NCAM2: variants seen among roughly 807,000 people sequenced by gnomAD.
The protein encoded by NCAM2 is N-CAM-2.
Under a neutral mutation model 98.1 loss-of-function variants are expected in NCAM2, and 30 were observed. The observed-to-expected ratio is 0.31, with a 90% CI of 0.23 to 0.41. The LOEUF (loss-of-function observed/expected upper bound fraction) is 0.41. Among genes scored for constraint, NCAM2 ranks in the 10% least tolerant of loss-of-function variants. NCAM2 has a pLI of 1.00. For synonymous variants in NCAM2, 368 were observed against 342.4 expected, an observed-to-expected ratio of 1.07 and a Z score of -0.83; for missense variants, 867 against 1,005.8, an observed-to-expected ratio of 0.86 and a Z score of 1.87.
rs115636039 is a variant in NCAM2, at chr21:21,411,620, G to T, written c.1383+1159G>T. On this transcript the variant is annotated intron_variant, in intron 10 of 17. Coordinates refer to ENST00000400546, the MANE Select transcript of NCAM2 (RefSeq NM_004540.5). The stretch of plus-strand genomic sequence containing the variant: ...ATCACCCTTTCCAAATTATGATGCG[G>T]TTAGGAAAATTGGGAATCTTTTTCA... 3.6e-3 allele frequency among the ~76,000 whole-genome samples: 545 copies of T among 152,170 alleles called. 6 individuals carry two copies. Among genetic ancestry groups the T allele is most frequent in the African/African-American group, 0.013 (524 of 41,530 alleles).
At chr21:21,246,981 C>T (rs1484689287) in intron 1 of NCAM2, among the ~76,000 whole-genome samples, 1 of 151,934 alleles carries the variant, frequency 6.6e-6, no homozygotes, top group Non-Finnish European at 1.5e-5. Flanking sequence ...AACAGCTTCC[C>T]ATTGCACTGT....
At chr21:21,328,689 T>C (rs942013183) in intron 6 of NCAM2, among the ~76,000 whole-genome samples, 1 of 152,120 alleles carries the variant, frequency 6.6e-6, no homozygotes, top group Non-Finnish European at 1.5e-5. Context: ...GTTTGTACTT[T>C]GAGCTGTTAT....
chr21:21,089,076 T>C (rs956482979), intron 1 of NCAM2, among the ~76,000 whole-genome samples: 1 of 152,198 alleles, frequency 6.6e-6, no homozygotes, highest in African/African-American at 2.4e-5. Flanking sequence ...TCAATCATTT[T>C]TTTTAGTTGT....
At chr21:21,102,274 T>C (rs1167032229) in intron 1 of NCAM2, among the ~76,000 whole-genome samples, 3 of 152,114 alleles carry the variant, frequency 2.0e-5, no homozygotes, top group Non-Finnish European at 1.5e-5. Flanking sequence ...TATTATAGTT[T>C]ACTTTTAAAA....
intron 16 of NCAM2, among the ~76,000 whole-genome samples, chr21:21,531,892 C>T (rs1226547453): frequency 6.7e-6 from 1 of 150,258 alleles, no homozygotes; most frequent in African/African-American, 2.4e-5. Context: ...ACTTGAGAGG[C>T]TGAGGCAGGA....
At chr21:21,528,460 G>A (rs1989447913) in intron 16 of NCAM2, among the ~76,000 whole-genome samples, 1 of 152,032 alleles carries the variant, frequency 6.6e-6, no homozygotes, top group African/African-American at 2.4e-5. Flanking sequence ...GGGATACGTG[G>A]GAAATCTCTG....
In NCAM2 at chr21:21,410,095, T is replaced by A. The variant is rs563262348; in HGVS notation, c.1196-179T>A. ...TTGCAGTGAGCGGAGATTGCACCAC[T>A]GCACTCCAGCCTGGGCGACAGGGCG... is the stretch of plus-strand genomic sequence containing the variant. On this transcript the variant is annotated intron_variant, in intron 9 of 17. Transcript: ENST00000400546. Among the ~76,000 whole-genome samples the A allele has an allele frequency of 3.3e-5, 5 of 151,182 alleles. No individual in the cohort carries two copies. The South Asian group carries it at 8.3e-4, about 25-fold the overall frequency.
chr21:21,099,310 A>C (rs1306723517), intron 1 of NCAM2, among the ~76,000 whole-genome samples: 1 of 151,906 alleles, frequency 6.6e-6, no homozygotes, highest in Non-Finnish European at 1.5e-5. Flanking sequence ...TAAAGGTACA[A>C]ATAAATGAGA....
chr21:21,466,429 C>G lies in NCAM2; in HGVS notation c.1655-177C>G, dbSNP rs58764243. ...TAGAGGTGAAGAAGAGAACTATTCA[C>G]AAATCAGTTTCTTCTTATATGACTT... On this transcript the variant is annotated intron_variant, in intron 12 of 17. Coordinates refer to ENST00000400546, the MANE Select transcript of NCAM2 (RefSeq NM_004540.5). 3.7e-3 allele frequency among the ~76,000 whole-genome samples: 557 copies of G among 152,028 alleles called. 5 individuals carry two copies. Among genetic ancestry groups the G allele is most frequent in the African/African-American group, 0.012 (499 of 41,524 alleles).
chr21:21,057,928 T>C (rs2065246279), intron 1 of NCAM2, among the ~76,000 whole-genome samples: 1 of 152,004 alleles, frequency 6.6e-6, no homozygotes, highest in African/African-American at 2.4e-5. Context: ...CTGTCTCCTT[T>C]AGGCCTAGCC....
intron 8 of NCAM2, among the ~76,000 whole-genome samples, chr21:21,344,661 T>C (rs555895723): frequency 7.2e-5 from 11 of 152,108 alleles, no homozygotes; most frequent in African/African-American, 2.4e-4. Context: ...AGTCTCTGAC[T>C]CCTAGACAGC....
chr21:21,255,269 A>G (rs2071625150), intron 1 of NCAM2, among the ~76,000 whole-genome samples: 1 of 152,178 alleles, frequency 6.6e-6, no homozygotes, highest in African/African-American at 2.4e-5. Flanking sequence ...GCTTACAGAC[A>G]TCCCTGTGAG....
chr21:21,296,845 A>G (rs1384734354), intron 5 of NCAM2, among the ~76,000 whole-genome samples: 1 of 151,706 alleles, frequency 6.6e-6, no homozygotes, highest in African/African-American at 2.4e-5. Flanking sequence ...TAGGGCTTCC[A>G]GTTATCCATG....
At chr21:21,324,667 T>C (rs181718443) in intron 6 of NCAM2, among the ~76,000 whole-genome samples, 167 bp downstream of exon 6, 2 of 152,220 alleles carry the variant, frequency 1.3e-5, no homozygotes, top group African/African-American at 4.8e-5. Flanking sequence ...ATTAAACTGC[T>C]AAAGAGATCA....
chr21:21,257,603 C>G (rs1240252412), intron 1 of NCAM2, among the ~76,000 whole-genome samples: 3 of 152,018 alleles, frequency 2.0e-5, no homozygotes, highest in Non-Finnish European at 2.9e-5. Context: ...ATTTTTTCCT[C>G]TCTCTCTTTT....
intron 1 of NCAM2, among the ~76,000 whole-genome samples, chr21:21,091,396 CT>C (rs1041776076): frequency 2.6e-5 from 4 of 151,918 alleles, no homozygotes; most frequent in Non-Finnish European, 4.4e-5. Flanking sequence ...TGTAGCAAAT[CT>C]TTTTTTCAAT....
intron 15 of NCAM2, among the ~76,000 whole-genome samples, chr21:21,504,532 C>A (rs926195426): frequency 6.6e-6 from 1 of 151,780 alleles, no homozygotes. Flanking sequence ...TTAATGATGT[C>A]ATTTCATATG....
chr21:21,536,884 G>T (rs2826887), intron 17 of NCAM2, among the ~76,000 whole-genome samples: 92,744 of 151,820 alleles, frequency 0.61, 28,718 homozygotes, highest in Admixed American at 0.69. Context: ...AATAAAGTTG[G>T]TATTGCTTCA....
Position 21,314,272 on chromosome 21 carries a change from T to C in NCAM2, c.620-10111T>C, listed in dbSNP as rs532291474. Among the ~76,000 whole-genome samples, 5 of 152,276 alleles carry C rather than the reference T, an allele frequency of 3.3e-5. No homozygotes were observed. The South Asian group carries it at 8.3e-4, about 25-fold the overall frequency. ...TGTCTGAAGGGGATTTTGCTGAACA[T>C]AGACCTTGCTTTGACAGGTGTGTTC... is the stretch of plus-strand genomic sequence containing the variant. On this transcript the variant is annotated intron_variant, in intron 5 of 17. Coordinates refer to ENST00000400546, the MANE Select transcript of NCAM2 (RefSeq NM_004540.5).
Sources: gnomAD v4.1 joint callset for allele counts (sites outside exome capture counted in the v4.1 genomes callset) on GRCh38, gnomAD v4.1.1 for gene constraint, MANE v1.5 for transcripts, NCBI Gene and HGNC (gene_info 2026-07-23, HGNC 2026-07-21) for gene names.